The following GET1 variants were observed in gnomAD, a reference collection of about 807,000 sequenced individuals.
GET1 encodes the protein congenital heart disease 5 protein.
In GET1, 20 loss-of-function variants were observed where a neutral mutation model predicts 22.6. That is an observed-to-expected ratio of 0.89 (90% confidence interval 0.62 to 1.29). GET1 has a LOEUF of 1.29. Among genes scored for constraint, GET1 ranks in the 50% most tolerant of loss-of-function variants. The probability of loss-of-function intolerance (pLI) is 0.00; values close to 1 mark genes in which losing one functional copy is unlikely to be tolerated. For missense variants in GET1, 209 were observed against 219.9 expected, an observed-to-expected ratio of 0.95 and a Z score of 0.31; for synonymous variants, 92 against 83.8, an observed-to-expected ratio of 1.10 and a Z score of -0.53.
chr21:39,425,328 A>G (rs898385967), intron 1 of GET1, among the ~76,000 whole-genome samples: 2 of 152,206 alleles, frequency 1.3e-5, no homozygotes, highest in Non-Finnish European at 2.9e-5. Context: ...ATGAACCAAG[A>G]GAGCCAAAGC....
chr21:39,422,842 A>G (rs567806771), intron 1 of GET1: 26 of 821,478 alleles, frequency 3.2e-5, no homozygotes, highest in Middle Eastern at 3.7e-4. Context: ...TAGACAACAT[A>G]ATTATTTAGT....
chr21:39,407,187 A>T (rs749577871), downstream of GET1, among the ~76,000 whole-genome samples: 1 of 152,250 alleles, frequency 6.6e-6, no homozygotes, highest in Non-Finnish European at 1.5e-5. Context: ...TGACTGTGCC[A>T]CTGCATACCA....
In GET1 at chr21:39,421,367, C is replaced by T. The variant is rs551951012; in HGVS notation, c.*24-6865C>T. Among the ~76,000 whole-genome samples, 10 of 152,204 alleles carry T rather than the reference C, an allele frequency of 6.6e-5. No individual in the cohort carries two copies. In the South Asian group the frequency reaches 1.2e-3, roughly 19 times the overall value. ...CCTCCCAAAGTGCTGGTATTACGGG[C>T]GAGAGGCCACTGTGCCCTGCCCGAT... On this transcript the variant is annotated intron_variant, in intron 1 of 1. Coordinates refer to the GET1 transcript ENST00000478273.
At chr21:39,394,264 C>T (rs1023552837) in intron 4 of GET1, among the ~76,000 whole-genome samples, 3 of 152,096 alleles carry the variant, frequency 2.0e-5, no homozygotes, top group African/African-American at 7.2e-5. Flanking sequence ...CGAGAGGTTG[C>T]AGTGAGCTGA....
chr21:39,402,620 G>C (rs1019552459), downstream of GET1, among the ~76,000 whole-genome samples: 5 of 152,148 alleles, frequency 3.3e-5, no homozygotes, highest in Non-Finnish European at 7.4e-5. Context: ...ATTTCTTTTC[G>C]TGTTTACCAG....
At chr21:39,426,176 G>C (rs1341259069) in intron 1 of GET1, 1 of 152,106 alleles carries the variant, frequency 6.6e-6, no homozygotes. Flanking sequence ...CTAGTGAGTG[G>C]GTGGGGAGGA....
In GET1 at chr21:39,396,311, C is replaced by T. The variant is rs572539142; in HGVS notation, c.452-555C>T. Among the ~76,000 whole-genome samples, 41 of 152,172 alleles carry T rather than the reference C, an allele frequency of 2.7e-4. 1 individual carries two copies. The South Asian group carries it at 7.9e-3, about 29-fold the overall frequency. Reference sequence around the variant, plus strand: ...ATCCCAGCACTTTGGGAGGTCGGGGCGGGCAGATCATGAGTTCAGGAGATC... The same window carrying T: ...ATCCCAGCACTTTGGGAGGTCGGGGTGGGCAGATCATGAGTTCAGGAGATC... On this transcript the variant is annotated intron_variant, in intron 4 of 4. Transcript: ENST00000649170.
At chr21:39,382,294 A>G (rs1429336009) in intron 1 of GET1, among the ~76,000 whole-genome samples, 1 of 152,032 alleles carries the variant, frequency 6.6e-6, no homozygotes, top group Non-Finnish European at 1.5e-5. Flanking sequence ...ACCTCAAGTG[A>G]TCTGTGCTCC....
intron 4 of GET1, among the ~76,000 whole-genome samples, chr21:39,395,639 C>G (rs1190216040): frequency 6.6e-6 from 1 of 152,240 alleles, no homozygotes; most frequent in Non-Finnish European, 1.5e-5. Flanking sequence ...GCTGGGATTA[C>G]AGGTGTGAGC....
chr21:39,402,444 G>A (rs1331175178), downstream of GET1, among the ~76,000 whole-genome samples: 3 of 152,196 alleles, frequency 2.0e-5, no homozygotes, highest in Admixed American at 1.3e-4. Context: ...CACTGAGCTG[G>A]AGACCCCAGG....
intron 1 of GET1, among the ~76,000 whole-genome samples, chr21:39,383,373 C>A (rs1258001248): frequency 6.6e-6 from 1 of 151,884 alleles, no homozygotes; most frequent in Admixed American, 6.6e-5. Context: ...CCTCTGCCCC[C>A]CGAGTTCAAG....
chr21:39,397,923 T>TAGATCATTGTA (rs1159468622), downstream of GET1: 2 of 152,198 alleles, frequency 1.3e-5, no homozygotes, highest in Non-Finnish European at 2.9e-5. Flanking sequence ...CTCTTTTGTT[T>TAGATCATTGTA]CCTAATGATC....
chr21:39,404,092 A>G (rs1041570100), intron 4 of GET1, among the ~76,000 whole-genome samples: 2 of 152,212 alleles, frequency 1.3e-5, no homozygotes, highest in Non-Finnish European at 2.9e-5. Flanking sequence ...ACACATAAAC[A>G]TCATTGGAAA....
intron 1 of GET1, among the ~76,000 whole-genome samples, chr21:39,418,511 A>T (rs1368134039): frequency 2.0e-5 from 3 of 151,190 alleles, no homozygotes; most frequent in South Asian, 2.1e-4. Flanking sequence ...TTTTTTTTAA[A>T]TTTTTTTGAG....
intron 3 of GET1, 58 bp downstream of exon 3, chr21:39,391,894 C>T (rs757537205): frequency 2.6e-6 from 4 of 1,563,064 alleles, no homozygotes; most frequent in Non-Finnish European, 3.5e-6. Context: ...GCCTCCAGAG[C>T]CGTGTCTGCA....
At chr21:39,412,795 G>A (rs1260170456) in intron 1 of GET1, among the ~76,000 whole-genome samples, 4 of 152,144 alleles carry the variant, frequency 2.6e-5, no homozygotes, top group African/African-American at 9.7e-5. Flanking sequence ...CGCCTCCCCC[G>A]CCGCCCCATT....
At chr21:39,414,734 C>CTGTGTGTG (rs1446676855) in intron 1 of GET1, among the ~76,000 whole-genome samples, 88 of 103,226 alleles carry the variant, frequency 8.5e-4, no homozygotes, top group African/African-American at 3.4e-3. Context: ...CTCTCTCTCT[C>CTGTGTGTG]TCTCTCTCTG....
At chr21:39,389,375 G>C (rs1048952170) in intron 1 of GET1, among the ~76,000 whole-genome samples, 1 of 151,858 alleles carries the variant, frequency 6.6e-6, no homozygotes, top group Non-Finnish European at 1.5e-5. Flanking sequence ...TTGAACTCCT[G>C]TATACAAGAG....
At chr21:39,380,982 C>A in intron 1 of GET1, 1 of 982,794 alleles carries the variant, frequency 1.0e-6, no homozygotes, top group Non-Finnish European at 1.2e-6. Flanking sequence ...CCTTCAGTAT[C>A]CAAGGGAGCA....
Sources: allele counts gnomAD v4.1 joint callset (sites outside exome capture counted in the v4.1 genomes callset), GRCh38; gene constraint gnomAD v4.1.1; transcripts MANE v1.5; gene names NCBI Gene and HGNC (gene_info 2026-07-23, HGNC 2026-07-21).